DOP1A: variants seen among roughly 807,000 people sequenced by gnomAD.
DOP1A encodes the protein DOP1 leucine zipper like protein A.
A neutral mutation model predicts 267.6 loss-of-function variants in DOP1A; 90 were observed. That is an observed-to-expected ratio of 0.34 (90% CI 0.28 to 0.40). The LOEUF is 0.40. Ranked by LOEUF, DOP1A falls within the 10% of genes least tolerant of loss-of-function variation. DOP1A has a pLI of 1.00. For missense variants in DOP1A, 2,437 were observed against 2,900.4 expected, an observed-to-expected ratio of 0.84 and a Z score of 3.67; for synonymous variants, 932 against 999.1, an observed-to-expected ratio of 0.93 and a Z score of 1.27.
At position 83,141,969 on chromosome 6, in the gene DOP1A, C is replaced by G. The variant is rs1779715209; in HGVS notation, c.5464C>G (p.His1822Asp). 1 of 1,612,372 alleles carries G rather than the reference C, an allele frequency of 6.2e-7. No homozygotes were observed. Among genetic ancestry groups the G allele is most frequent in the East Asian group, 2.2e-5 (1 of 44,778 alleles). ...ATTGTTGGGCCCCATTTCAATGAAT[C>G]ATGGTGTTCACTTTATGGCTGCCAT... ...LELLGPISMN[H>D]GVHFMAAIAF... Residue 1822 changes from histidine (H) to aspartate (D), a missense_variant, in exon 24 of 39, where the codon CAT (histidine) becomes GAT (aspartate). His to Asp is a moderately conservative substitution (Grantham distance 81). Around this residue, in one of 9 missense-constraint regions of DOP1A, gnomAD observed 307 missense variants for 308.6 expected, o/e 0.99. Transcript: ENST00000349129.
rs752241668 is a variant in DOP1A, at chr6:83,138,510, A to G, written c.4468A>G (p.Ile1490Val). 7 of 1,613,632 alleles carry G rather than the reference A, an allele frequency of 4.3e-6. No homozygotes were observed. The Admixed American group carries it at 8.3e-5, about 19-fold the overall frequency. ...CAATCGAAACATGCAAATGATGAGCATAGAAATTCTGACACTACTCTTCAC... is the reference window on the plus strand; with the variant it reads ...CAATCGAAACATGCAAATGATGAGCGTAGAAATTCTGACACTACTCTTCAC... ...IGNRNMQMMS[I>V]EILTLLFTEL... Residue 1490 changes from isoleucine to valine, a missense_variant, in exon 21 of 39, where the codon ATA (isoleucine) becomes GTA (valine). By Grantham distance (29) the Ile-to-Val change is conservative. Around this residue, in one of 9 missense-constraint regions of DOP1A, gnomAD observed 878 missense variants for 992.9 expected, o/e 0.88. Coordinates refer to ENST00000349129, the MANE Select transcript of DOP1A (RefSeq NM_015018.4).
intron 27 of DOP1A, among the ~76,000 whole-genome samples, chr6:83,150,914 C>T (rs1781543398): frequency 6.6e-6 from 1 of 152,128 alleles, no homozygotes; most frequent in Non-Finnish European, 1.5e-5. Context: ...TCATTACAAA[C>T]CCAAATTAAG....
At chr6:83,120,285 A>C (rs1036783636) in intron 9 of DOP1A, among the ~76,000 whole-genome samples, 2 of 151,910 alleles carry the variant, frequency 1.3e-5, no homozygotes, top group African/African-American at 4.8e-5. Flanking sequence ...TTTTTAAATG[A>C]GTGAGGTTAT....
At chr6:83,119,938 A>G (rs939816717) in intron 9 of DOP1A, 81 bp downstream of exon 9, 2 of 1,122,118 alleles carry the variant, frequency 1.8e-6, no homozygotes, top group Admixed American at 4.7e-5. Flanking sequence ...GTCTTGCCTT[A>G]ATTGAATTCA....
At position 83,125,643 on chromosome 6, in the gene DOP1A, T is replaced by G. The variant is rs767706813; in HGVS notation, c.1629T>G (p.Val543=). 2 of 1,613,706 alleles carry G rather than the reference T, an allele frequency of 1.2e-6. No individual in the cohort carries two copies. Among genetic ancestry groups the G allele is most frequent in the African/African-American group, 1.3e-5 (1 of 74,892 alleles). The change falls in exon 15 of 39, where the codon GTT becomes GTG. Residue 543 remains valine, a synonymous_variant. Coordinates refer to ENST00000349129, the MANE Select transcript of DOP1A (RefSeq NM_015018.4). ...TCTGCTCAAAGATCCTTAGCAAGGT[T>G]CAGCCTCCACTGTTATCTGCTAGCA... ...LRLCSKILSK[V]QPPLLSASTG...
rs1260215914 is a variant in DOP1A at position 83,155,871 on chromosome 6, G to C, written c.6452-80G>C. On this transcript the variant is annotated intron_variant, in intron 33 of 38. Coordinates refer to ENST00000349129, the MANE Select transcript of DOP1A (RefSeq NM_015018.4). ...TCCTCTCAGTTTTGGATGTCATAGA[G>C]CATCTAGCTATTTTAAAAAACAACA... The C allele has an allele frequency of 6.0e-6, 9 of 1,501,964 alleles. No homozygotes were observed. In the East Asian group the frequency reaches 2.1e-4, roughly 34 times the overall value. The allele number at this position is 1,501,964 out of a possible 1,614,324, so 93.0% of individuals were successfully genotyped here. A position where few individuals can be genotyped will look rare whatever the true frequency, so the allele number is the denominator to read the frequency against.
rs777116743 is a variant in DOP1A, at chr6:83,138,112, C to G, written c.4070C>G (p.Ser1357Cys). ...ATGGGTTCTCCAGGATCTCGAAAAT[C>G]TCCCAATTTCAACATTCATCCTCTC... ...SDMGSPGSRKSPNFNIHPLYQ... is the reference protein window; with the variant it reads ...SDMGSPGSRKCPNFNIHPLYQ... The change falls in exon 21 of 39, where the codon TCT becomes TGT. Residue 1357 changes from serine (S) to cysteine (C), a missense_variant. Physicochemically the swap from Ser to Cys is moderately radical, Grantham distance 112 (BLOSUM62 -1). Coordinates refer to ENST00000349129, the MANE Select transcript of DOP1A (RefSeq NM_015018.4). 2 of 1,613,870 alleles carry G rather than the reference C, an allele frequency of 1.2e-6. No homozygotes were observed. The highest frequency in any genetic ancestry group is 1.7e-6 in the Non-Finnish European group (2 of 1,179,866).
At chr6:83,121,267 T>C (rs893828580) in intron 10 of DOP1A, among the ~76,000 whole-genome samples, 1 of 151,804 alleles carries the variant, frequency 6.6e-6, no homozygotes, top group Non-Finnish European at 1.5e-5. Flanking sequence ...AGCAATAAAA[T>C]GAAATCATAA....
At chr6:83,105,618 C>T (rs1449291774) in intron 4 of DOP1A, among the ~76,000 whole-genome samples, 1 of 152,060 alleles carries the variant, frequency 6.6e-6, no homozygotes, top group African/African-American at 2.4e-5. Flanking sequence ...CTGCCTCGGC[C>T]TCCCAAAGTG....
Position 83,096,914 on chromosome 6 carries a change from C to T in DOP1A, c.-53-11C>T. ...TTGTAACCTTGGTTCCTCCTGCAAA[C>T]TCTTTTGTAGGTAATGACTTTACAT... On this transcript the variant is annotated splice_polypyrimidine_tract_variant and intron_variant, in intron 2 of 38. Transcript: ENST00000349129. 1 of 1,566,870 alleles carries T rather than the reference C, an allele frequency of 6.4e-7. No homozygotes were observed. Among genetic ancestry groups the T allele is most frequent in the East Asian group, 2.2e-5 (1 of 44,510 alleles).
intron 6 of DOP1A, among the ~76,000 whole-genome samples, chr6:83,111,400 A>G (rs919092907): frequency 2.6e-5 from 4 of 151,522 alleles, no homozygotes; most frequent in Non-Finnish European, 5.9e-5. Context: ...TAGTAGTGCC[A>G]TTTCCAAGTT....
At position 83,142,016 on chromosome 6, in the gene DOP1A, A is replaced by G. The variant is rs1356010616; in HGVS notation, c.5511A>G (p.Arg1837=). Residue 1837 remains arginine (R), a synonymous_variant, in exon 24 of 39, where the codon AGA becomes AGG. Transcript: ENST00000349129. ...CCATTGCATTTGTGTGGAATGAAAG[A>G]AGACAGAATAAAACAACCACCAGGA... The part of the protein sequence containing the change: ...MAAIAFVWNE[R]RQNKTTTRTK... 1 of 1,611,978 alleles carries G rather than the reference A, an allele frequency of 6.2e-7. No homozygotes were observed. Among genetic ancestry groups the G allele is most frequent in the East Asian group, 2.2e-5 (1 of 44,812 alleles).
rs556126854 is a variant in DOP1A at position 83,135,403 on chromosome 6, A to G, written c.2871-216A>G. ...GCCTGTGAAATTTCAAAGCATGAGTATATTTTTAAAAGGGCAAAAGGTTTT... is the reference window on the plus strand; with the variant it reads ...GCCTGTGAAATTTCAAAGCATGAGTGTATTTTTAAAAGGGCAAAAGGTTTT... On this transcript the variant is annotated intron_variant, in intron 19 of 38. Coordinates refer to ENST00000349129, the MANE Select transcript of DOP1A (RefSeq NM_015018.4). 1.4e-3 allele frequency among the ~76,000 whole-genome samples: 207 copies of G among 152,122 alleles called. 2 individuals are homozygous for G. The highest frequency in any genetic ancestry group is 4.8e-3 in the African/African-American group (198 of 41,490).
Position 83,148,643 on chromosome 6 carries a change from T to TAA in DOP1A, c.5733-114_5733-113dup, listed in dbSNP as rs554248934. The TAA allele has an allele frequency of 3.5e-4, 216 of 618,010 alleles. No individual in the cohort carries two copies. The East Asian group carries it at 6.6e-3, about 19-fold the overall frequency. The allele number at this position is 618,010 out of a possible 1,614,324, so 38.3% of individuals were successfully genotyped here. On this transcript the variant is annotated intron_variant, in intron 26 of 38. Coordinates refer to ENST00000349129, the MANE Select transcript of DOP1A (RefSeq NM_015018.4). The stretch of plus-strand genomic sequence containing the variant: ...TTACTAATTAACGTTAGTAAAAATG[T>TAA]AAAGTTTTTAGGAATTTTGTTCTAT...
Position 83,149,829 on chromosome 6 carries a change from A to C in DOP1A, c.5837+966A>C, listed in dbSNP as rs1379626436. ...GGGAAGTATCAAAAAGAAGAAAACCAGGCATTTGATTGTCCAGAACCAAAG... is the reference window on the plus strand; with the variant it reads ...GGGAAGTATCAAAAAGAAGAAAACCCGGCATTTGATTGTCCAGAACCAAAG... On this transcript the variant is annotated intron_variant, in intron 27 of 38. Transcript: ENST00000349129. Among the ~76,000 whole-genome samples, 6 of 152,212 alleles carry C rather than the reference A, an allele frequency of 3.9e-5. No homozygotes were observed. The East Asian group carries it at 1.2e-3, about 29-fold the overall frequency.
chr6:83,070,298 A>G (rs1259525042), intron 1 of DOP1A, among the ~76,000 whole-genome samples: 1 of 152,198 alleles, frequency 6.6e-6, no homozygotes, highest in Non-Finnish European at 1.5e-5. Flanking sequence ...TTTATTGAGA[A>G]TTGTATGAAA....
chr6:83,103,652 C>T (rs565267888), intron 4 of DOP1A, among the ~76,000 whole-genome samples: 83 of 152,210 alleles, frequency 5.5e-4, no homozygotes, highest in African/African-American at 1.8e-3. Flanking sequence ...AACTTTTTGT[C>T]CTTATGTGCT....
intron 37 of DOP1A, 83 bp downstream of exon 37, chr6:83,160,043 T>C: frequency 7.4e-7 from 1 of 1,359,934 alleles, no homozygotes; most frequent in South Asian, 1.3e-5. Context: ...AATTAAAAAG[T>C]TTTTTGTGTA....
At chr6:83,164,591 A>G (rs1468457851) in intron 38 of DOP1A, 7 of 1,434,726 alleles carry the variant, frequency 4.9e-6, no homozygotes, top group Non-Finnish European at 6.7e-6. Context: ...CACCTTAAAC[A>G]AGGTCTTCAT....
Sources: allele counts gnomAD v4.1 joint callset (sites outside exome capture counted in the v4.1 genomes callset), GRCh38; gene constraint gnomAD v4.1.1; regional missense constraint gnomAD v4.1.1; transcripts MANE v1.5; gene names NCBI Gene and HGNC (gene_info 2026-07-23, HGNC 2026-07-21).